PRKCZ: variants seen among roughly 807,000 people sequenced by gnomAD.
The protein encoded by PRKCZ is protein kinase C zeta, also known as protein kinase C zeta type.
PRKCZ carries 33 observed loss-of-function variants against 79.5 expected under a neutral mutation model. The ratio of observed to expected loss-of-function variants is 0.41; its 90% CI spans 0.31 to 0.55. The LOEUF (loss-of-function observed/expected upper bound fraction) is 0.55. PRKCZ is among the 20% of genes least tolerant of loss of function. The pLI is 0.19. For missense variants in PRKCZ, 578 were observed against 813.5 expected (o/e 0.71, Z 3.52); for synonymous variants, 342 against 320.9 (o/e 1.07, Z -0.70).
At position 2,127,914 on chromosome 1, in the gene PRKCZ, G is replaced by A. The variant is rs1451605577; in HGVS notation, c.335-7348G>A. 6.6e-6 allele frequency among the ~76,000 whole-genome samples: 1 copy of A among 152,226 alleles called. No individual in the cohort carries two copies. On this transcript the variant is annotated intron_variant, in intron 4 of 17. Transcript: ENST00000378567. The surrounding 1 kb of genome is among the most constrained non-coding windows in gnomAD (Gnocchi z 5.1). ...CCTGGGACACCTTAGCTCTGGACAC[G>A]AATTTGCGGTCATTGCTGTTCTTGT... is the stretch of plus-strand genomic sequence containing the variant.
chr1:2,174,622 G>A lies in PRKCZ; in HGVS notation c.1406-132G>A. 1.2e-6 allele frequency: 1 copy of A among 817,656 alleles called. No homozygotes were observed. The highest frequency in any genetic ancestry group is 2.2e-5 in the Admixed American group (1 of 44,624). The allele number at this position is 817,656 out of a possible 1,614,324, so 50.7% of individuals were successfully genotyped here. ...GACTCCGGGTTATAGATATTGCTGG[G>A]CTGTAGGAAGGGAGGGGCTCCGGGG... On this transcript the variant is annotated intron_variant, in intron 14 of 17. Transcript: ENST00000378567. This position sits in a 1 kb window ranked among gnomAD's most constrained non-coding sequence, Gnocchi z 6.2.
chr1:2,176,426 T>C (rs1330554313), intron 16 of PRKCZ, among the ~76,000 whole-genome samples: 1 of 152,224 alleles, frequency 6.6e-6, no homozygotes, highest in East Asian at 1.9e-4. Context: ...GGAAGCGCAG[T>C]CTCCACCTAG....
Position 2,172,616 on chromosome 1 carries a change from T to C in PRKCZ, c.1285+228T>C, listed in dbSNP as rs755269459. On this transcript the variant is annotated intron_variant, in intron 13 of 17. Transcript: ENST00000378567. The surrounding 1 kb of genome is among the most constrained non-coding windows in gnomAD (Gnocchi z 7.8). ...TGGGGAGGGCACTGCACAGGATTCC[T>C]CCTGCCAGGGAGCCCCGGGGCACAG... 6.6e-6 allele frequency among the ~76,000 whole-genome samples: 1 copy of C among 152,138 alleles called. No homozygotes were observed. The highest frequency in any genetic ancestry group is 1.5e-5 in the Non-Finnish European group (1 of 68,030).
rs1683748119 is a variant in PRKCZ at position 2,168,366 on chromosome 1, A to AG, written c.975-1148dup. 6.6e-6 allele frequency among the ~76,000 whole-genome samples: 1 copy of AG among 152,222 alleles called. No individual in the cohort carries two copies. Among genetic ancestry groups the AG allele is most frequent in the African/African-American group, 2.4e-5 (1 of 41,454 alleles). ...ATTTCCAGGCACATCCGTTGGAGGC[A>AG]GGGGAGACAACAAAAGCCGAGGAAC... is the stretch of plus-strand genomic sequence containing the variant. On this transcript the variant is annotated intron_variant, in intron 10 of 17. Coordinates refer to ENST00000378567, the MANE Select transcript of PRKCZ (RefSeq NM_002744.6). This position sits in a 1 kb window ranked among gnomAD's most constrained non-coding sequence, Gnocchi z 4.7.
chr1:2,113,260 C>T (rs929778908), intron 4 of PRKCZ, among the ~76,000 whole-genome samples: 5 of 152,304 alleles, frequency 3.3e-5, no homozygotes, highest in Admixed American at 3.3e-4. Flanking sequence ...AAGGCAGCCG[C>T]CCCGTTTCCT....
intron 3 of PRKCZ, among the ~76,000 whole-genome samples, chr1:2,058,964 A>T (rs1302819599): frequency 6.6e-6 from 1 of 152,134 alleles, no homozygotes; most frequent in Non-Finnish European, 1.5e-5. Context: ...GTATACACAC[A>T]CACATAAAAA....
chr1:2,150,136 T>C (rs1227070514), intron 8 of PRKCZ, among the ~76,000 whole-genome samples: 2 of 125,376 alleles, frequency 1.6e-5, no homozygotes, highest in Non-Finnish European at 3.1e-5. Flanking sequence ...CACTCCAGCC[T>C]GGGCGACAGA....
In PRKCZ at chr1:2,127,726, T is replaced by C. The variant is rs1674222458; in HGVS notation, c.335-7536T>C. On this transcript the variant is annotated intron_variant, in intron 4 of 17. Coordinates refer to ENST00000378567, the MANE Select transcript of PRKCZ (RefSeq NM_002744.6). The surrounding 1 kb of genome is among the most constrained non-coding windows in gnomAD (Gnocchi z 5.1). ...CCCGGTGGCTTTTTAGGACTCTGCG[T>C]TCGTGTTCTCCATTGTCCCTGGCAG... is the stretch of plus-strand genomic sequence containing the variant. 6.6e-6 allele frequency among the ~76,000 whole-genome samples: 1 copy of C among 152,096 alleles called. No homozygotes were observed.
intron 1 of PRKCZ, among the ~76,000 whole-genome samples, chr1:2,053,210 C>G (rs1046746410): frequency 2.0e-5 from 3 of 151,952 alleles, no homozygotes. Context: ...AAGCAATTCT[C>G]CTGCTTCAGC....
At position 2,174,237 on chromosome 1, in the gene PRKCZ, C is replaced by G. The variant is rs921248932; in HGVS notation, c.1405+221C>G. Among the ~76,000 whole-genome samples, 2 of 152,186 alleles carry G rather than the reference C, an allele frequency of 1.3e-5. No homozygotes were observed. The highest frequency in any genetic ancestry group is 4.8e-5 in the African/African-American group (2 of 41,438). On this transcript the variant is annotated intron_variant, in intron 14 of 17. Coordinates refer to ENST00000378567, the MANE Select transcript of PRKCZ (RefSeq NM_002744.6). The surrounding 1 kb of genome is among the most constrained non-coding windows in gnomAD (Gnocchi z 6.2). Reference sequence around the variant, plus strand: ...GGGTCAGCAGGAAAGAGAACCTGTCCCCATTCAGCTCCAACTCCCTCCTGC... The same window carrying G: ...GGGTCAGCAGGAAAGAGAACCTGTCGCCATTCAGCTCCAACTCCCTCCTGC...
chr1:2,082,051 G>A lies in PRKCZ; in HGVS notation c.334+22460G>A, dbSNP rs1404107054. The stretch of plus-strand genomic sequence containing the variant: ...TAAAGCAGGCTTGATCCGGGCTGCC[G>A]TGGTTCCGATCGACTCCGAATAGGA... On this transcript the variant is annotated intron_variant, in intron 4 of 17. Coordinates refer to ENST00000378567, the MANE Select transcript of PRKCZ (RefSeq NM_002744.6). This position sits in a 1 kb window ranked among gnomAD's most constrained non-coding sequence, Gnocchi z 4.4. 1.3e-5 allele frequency among the ~76,000 whole-genome samples: 2 copies of A among 152,264 alleles called. No individual in the cohort carries two copies. Among genetic ancestry groups the A allele is most frequent in the Admixed American group, 6.5e-5 (1 of 15,292 alleles).
chr1:2,161,317 C>T (rs1682249037), intron 10 of PRKCZ, among the ~76,000 whole-genome samples: 1 of 152,388 alleles, frequency 6.6e-6, no homozygotes, highest in Middle Eastern at 3.4e-3. Flanking sequence ...CCCCACAAGG[C>T]TGTGCACGGG....
At chr1:2,135,120 C>T (rs965465670) in intron 4 of PRKCZ, 142 bp from the exon 5 acceptor site, 20 of 643,832 alleles carry the variant, frequency 3.1e-5, no homozygotes, top group Middle Eastern at 4.4e-4. Context: ...TCCGGGAGGC[C>T]GTCATTCCAG....
At chr1:2,119,655 C>T (rs1019997759) in intron 4 of PRKCZ, among the ~76,000 whole-genome samples, 35 of 152,182 alleles carry the variant, frequency 2.3e-4, no homozygotes, top group Admixed American at 1.2e-3. Context: ...TTCAGATTTA[C>T]CCCCAGGTTA....
intron 4 of PRKCZ, among the ~76,000 whole-genome samples, chr1:2,068,371 T>C (rs1396617578): frequency 6.6e-6 from 1 of 152,228 alleles, no homozygotes; most frequent in Non-Finnish European, 1.5e-5. Flanking sequence ...TTGGGAGGCT[T>C]TGAGCATCCT....
At chr1:2,074,018 GCCC>G (rs1177789144) in intron 4 of PRKCZ, 41 of 1,433,190 alleles carry the variant, frequency 2.9e-5, no homozygotes, top group Non-Finnish European at 3.4e-5. Context: ...GGAGGACGGT[GCCC>G]GAGTCAGCAT....
In PRKCZ at chr1:2,082,860, T is replaced by G. The variant is rs1253441572; in HGVS notation, c.334+23269T>G. On this transcript the variant is annotated intron_variant, in intron 4 of 17. Transcript: ENST00000378567. The surrounding 1 kb of genome is among the most constrained non-coding windows in gnomAD (Gnocchi z 4.4). Reference sequence around the variant, plus strand: ...GCGGCCAAGGGCGTGAGGGAGAGGGTGGAGGGGTGGTGTGAGGGTGCAAGG... The same window carrying G: ...GCGGCCAAGGGCGTGAGGGAGAGGGGGGAGGGGTGGTGTGAGGGTGCAAGG... Among the ~76,000 whole-genome samples, 73 of 134,908 alleles carry G rather than the reference T, an allele frequency of 5.4e-4. No individual in the cohort carries two copies. Among genetic ancestry groups the G allele is most frequent in the Middle Eastern group, 3.7e-3 (1 of 272 alleles). 88.5% of individuals were successfully genotyped at this position (134,908 alleles called of 152,430 possible).
upstream of PRKCZ, chr1:2,049,987 T>C (rs896865911): frequency 6.6e-6 from 1 of 152,250 alleles, no homozygotes; most frequent in African/African-American, 2.4e-5. Flanking sequence ...GGTTCTCCGC[T>C]CCTCGCAGCT....
At chr1:2,154,331 G>A (rs149991498) in intron 9 of PRKCZ, among the ~76,000 whole-genome samples, 42 of 152,280 alleles carry the variant, frequency 2.8e-4, no homozygotes, top group African/African-American at 9.1e-4. Context: ...AGCTCTCGGC[G>A]TGGAAAGATG....
Sources: gnomAD v4.1 joint callset for allele counts (sites outside exome capture counted in the v4.1 genomes callset) on GRCh38, gnomAD v4.1.1 for gene constraint, Gnocchi (gnomAD v3.1) non-coding constraint, MANE v1.5 for transcripts, NCBI Gene and HGNC (gene_info 2026-07-23, HGNC 2026-07-21) for gene names.